ST7: variants seen among roughly 807,000 people sequenced by gnomAD.
ST7 encodes the protein suppression of tumorigenicity 7.
ST7 carries 28 observed loss-of-function variants against 78.7 expected under a neutral mutation model. That is an observed-to-expected ratio of 0.36 (90% CI 0.26 to 0.49). The LOEUF (loss-of-function observed/expected upper bound fraction) is 0.49. Ranked by LOEUF, ST7 falls within the 20% of genes least tolerant of loss-of-function variation. ST7 has a pLI of 0.99. For missense variants in ST7, 418 were observed against 696.0 expected, an observed-to-expected ratio of 0.60 and a Z score of 4.49; for synonymous variants, 247 against 249.6, an observed-to-expected ratio of 0.99 and a Z score of 0.10.
chr7:116,959,922 G>A (rs1792734598), intron 1 of ST7: 2 of 153,182 alleles, frequency 1.3e-5, no homozygotes, highest in Admixed American at 6.5e-5. Context: ...ATTTCATTGA[G>A]TGCAAAGTGT....
intron 1 of ST7, among the ~76,000 whole-genome samples, chr7:117,001,543 T>A (rs781554895): frequency 1.3e-5 from 2 of 152,186 alleles, no homozygotes; most frequent in Non-Finnish European, 2.9e-5. Flanking sequence ...GATCAGGCAA[T>A]GATACTTTCA....
chr7:117,083,952 A>G (rs1004101047), intron 1 of ST7, among the ~76,000 whole-genome samples: 1 of 152,202 alleles, frequency 6.6e-6, no homozygotes, highest in Non-Finnish European at 1.5e-5. Flanking sequence ...AAGCTGAAAC[A>G]TTATTTGAGC....
At chr7:117,098,261 T>G (rs1228293614) in intron 1 of ST7, among the ~76,000 whole-genome samples, 1 of 151,758 alleles carries the variant, frequency 6.6e-6, no homozygotes, top group Admixed American at 6.6e-5. Flanking sequence ...AACCCTTGCA[T>G]CTGCTTGGAA....
At chr7:117,160,288 C>T (rs946646827) in intron 9 of ST7, among the ~76,000 whole-genome samples, 3 of 149,676 alleles carry the variant, frequency 2.0e-5, no homozygotes, top group African/African-American at 7.3e-5. Flanking sequence ...TGTAGCAAAT[C>T]AAATAGCCCT....
At chr7:117,012,051 T>C (rs1482449117) in intron 1 of ST7, among the ~76,000 whole-genome samples, 1 of 152,192 alleles carries the variant, frequency 6.6e-6, no homozygotes, top group Non-Finnish European at 1.5e-5. Flanking sequence ...GGTCCTTTTA[T>C]GGTTGTAGCT....
chr7:116,975,201 G>A (rs925087982), intron 1 of ST7, among the ~76,000 whole-genome samples: 3 of 152,130 alleles, frequency 2.0e-5, no homozygotes, highest in Non-Finnish European at 2.9e-5. Flanking sequence ...AAGAGAGCGT[G>A]TGCAGGGGAA....
At chr7:116,989,200 G>A (rs577180955) in intron 1 of ST7, among the ~76,000 whole-genome samples, 57 of 152,270 alleles carry the variant, frequency 3.7e-4, no homozygotes, top group South Asian at 2.3e-3. Flanking sequence ...TTGGTATTGA[G>A]TCTGAAATGC....
intron 1 of ST7, among the ~76,000 whole-genome samples, chr7:116,961,068 A>G (rs551837218): frequency 1.1e-4 from 16 of 152,310 alleles, no homozygotes; most frequent in Admixed American, 2.0e-4. Context: ...TGAATAGGCA[A>G]TCCTTCTCCC....
At chr7:116,993,432 A>G (rs1794513980) in intron 1 of ST7, among the ~76,000 whole-genome samples, 1 of 152,188 alleles carries the variant, frequency 6.6e-6, no homozygotes, top group South Asian at 2.1e-4. Flanking sequence ...CTTGTTCACT[A>G]CCATGGGAAC....
chr7:117,227,464 C>A (rs1793522660), intron 15 of ST7, among the ~76,000 whole-genome samples: 1 of 152,296 alleles, frequency 6.6e-6, no homozygotes, highest in East Asian at 1.9e-4. Flanking sequence ...TTTAACTCCT[C>A]TTTATGAAGT....
At chr7:117,030,488 A>C (rs1317735754) in intron 1 of ST7, among the ~76,000 whole-genome samples, 3 of 152,200 alleles carry the variant, frequency 2.0e-5, no homozygotes, top group South Asian at 4.1e-4. Flanking sequence ...TTGTTTATAC[A>C]TACAGGCAAA....
chr7:117,021,608 CTGTT>C (rs1196926124), intron 1 of ST7, among the ~76,000 whole-genome samples: 6 of 152,268 alleles, frequency 3.9e-5, no homozygotes, highest in South Asian at 4.1e-4. Context: ...ATCAGTGTGA[CTGTT>C]TGTGCATAGC....
At chr7:117,079,916 C>T (rs1044426704) in intron 1 of ST7, among the ~76,000 whole-genome samples, 2 of 146,784 alleles carry the variant, frequency 1.4e-5, no homozygotes, top group African/African-American at 5.0e-5. Flanking sequence ...GAAAAAAAAT[C>T]ACTTACAGTT....
At chr7:117,012,019 T>G (rs901067047) in intron 1 of ST7, among the ~76,000 whole-genome samples, 1 of 152,216 alleles carries the variant, frequency 6.6e-6, no homozygotes, top group East Asian at 1.9e-4. Flanking sequence ...TAGTGGTTAC[T>G]GAGTGTGCCT....
intron 1 of ST7, among the ~76,000 whole-genome samples, chr7:117,099,046 C>CAAA (rs754881472): frequency 0.062 from 1,907 of 30,564 alleles, 338 homozygotes; most frequent in East Asian, 0.18. Context: ...CTCACTTTCG[C>CAAA]AAAAAAAAAA....
chr7:116,977,114 T>C (rs1212560096), intron 1 of ST7, among the ~76,000 whole-genome samples: 2 of 152,228 alleles, frequency 1.3e-5, no homozygotes, highest in South Asian at 2.1e-4. Flanking sequence ...GCTTAAGTAA[T>C]GTCAGATATT....
At chr7:116,965,229 A>G (rs1793045103) in intron 1 of ST7, among the ~76,000 whole-genome samples, 1 of 151,016 alleles carries the variant, frequency 6.6e-6, no homozygotes, top group African/African-American at 2.4e-5. Context: ...AGTCCCAGCT[A>G]CTCCAGAGGC....
At chr7:117,207,460 C>T (rs1483528405) in intron 12 of ST7, among the ~76,000 whole-genome samples, 1 of 152,112 alleles carries the variant, frequency 6.6e-6, no homozygotes, top group Admixed American at 6.6e-5. Context: ...TTATTTTCTA[C>T]CCACAAATGT....
At chr7:117,185,793 C>T (rs1049563473) in intron 10 of ST7, among the ~76,000 whole-genome samples, 2 of 152,040 alleles carry the variant, frequency 1.3e-5, no homozygotes, top group African/African-American at 2.4e-5. Context: ...CATGGTGGCG[C>T]ATGCCTGTAA....
Sources: gnomAD v4.1 joint callset for allele counts (sites outside exome capture counted in the v4.1 genomes callset) on GRCh38, gnomAD v4.1.1 for gene constraint, MANE v1.5 for transcripts, NCBI Gene and HGNC (gene_info 2026-07-23, HGNC 2026-07-21) for gene names.